NTN1: variants seen among roughly 807,000 people sequenced by gnomAD.
NTN1 encodes netrin-1.
Under a neutral mutation model 54.2 loss-of-function variants are expected in NTN1, and 11 were observed. That is an observed-to-expected ratio of 0.20 (90% CI 0.13 to 0.34). The LOEUF (loss-of-function observed/expected upper bound fraction) is 0.34. Ranked by LOEUF, NTN1 falls within the 10% of genes least tolerant of loss-of-function variation. The pLI, the probability that NTN1 is intolerant of heterozygous loss-of-function variation, is 1.00. For synonymous variants in NTN1, 371 were observed against 382.0 expected, an observed-to-expected ratio of 0.97 and a Z score of 0.33; for missense variants, 740 against 893.1, an observed-to-expected ratio of 0.83 and a Z score of 2.18.
At chr17:9,103,196 T>C (rs2092155886) in intron 2 of NTN1, among the ~76,000 whole-genome samples, 1 of 152,224 alleles carries the variant, frequency 6.6e-6, no homozygotes, top group South Asian at 2.1e-4. Flanking sequence ...AAGCACGGAC[T>C]GGAACAGATA....
intron 2 of NTN1, among the ~76,000 whole-genome samples, chr17:9,049,292 C>T (rs1249069694): frequency 6.6e-6 from 1 of 152,128 alleles, no homozygotes; most frequent in Non-Finnish European, 1.5e-5. Flanking sequence ...AGAGTACCTT[C>T]CCGCAACCAC....
intron 2 of NTN1, among the ~76,000 whole-genome samples, chr17:9,044,212 A>AT (rs912597336): frequency 4.3e-5 from 6 of 139,054 alleles, no homozygotes; most frequent in Non-Finnish European, 9.1e-5. Context: ...TAAATGTCCA[A>AT]TTTTTTTTGC....
intron 2 of NTN1, among the ~76,000 whole-genome samples, chr17:9,056,934 C>T (rs1021815277): frequency 2.6e-5 from 4 of 152,184 alleles, no homozygotes; most frequent in African/African-American, 7.2e-5. Context: ...TTCGTGCCTG[C>T]GTGCTTGCTG....
intron 2 of NTN1, among the ~76,000 whole-genome samples, chr17:9,155,930 T>TG (rs1255063138): frequency 6.6e-6 from 1 of 152,168 alleles, no homozygotes; most frequent in Non-Finnish European, 1.5e-5. Flanking sequence ...AGATGTCCAC[T>TG]GGGGGACAAA....
intron 5 of NTN1, among the ~76,000 whole-genome samples, chr17:9,209,652 T>TG (rs1905049623): frequency 6.6e-6 from 1 of 152,112 alleles, no homozygotes; most frequent in East Asian, 1.9e-4. Flanking sequence ...CAGCACTTGG[T>TG]GGGGGCCAGG....
chr17:9,093,526 C>T (rs951496110), intron 2 of NTN1, among the ~76,000 whole-genome samples: 26 of 152,226 alleles, frequency 1.7e-4, no homozygotes, highest in African/African-American at 4.6e-4. Flanking sequence ...CCACACTTGG[C>T]GAATTTTCTT....
At chr17:9,006,148 T>G in the NTN1 span, among the ~76,000 whole-genome samples, 2 of 72,660 alleles carry the variant, frequency 2.8e-5, no homozygotes, top group East Asian at 3.7e-4. Flanking sequence ...AGAAAGTGGG[T>G]AGGGGGAGGA....
intron 2 of NTN1, among the ~76,000 whole-genome samples, chr17:9,120,706 CAG>C (rs1460765345): frequency 1.3e-5 from 2 of 152,250 alleles, no homozygotes; most frequent in African/African-American, 4.8e-5. Flanking sequence ...TTGATGTGGG[CAG>C]AGTTGGTGGG....
At chr17:9,088,192 G>A (rs1426198591) in intron 2 of NTN1, among the ~76,000 whole-genome samples, 1 of 152,224 alleles carries the variant, frequency 6.6e-6, no homozygotes, top group African/African-American at 2.4e-5. Flanking sequence ...ACCAGCTCCC[G>A]ACGGCCGTGC....
chr17:9,061,937 T>G (rs1452088142), intron 2 of NTN1, among the ~76,000 whole-genome samples: 5 of 152,008 alleles, frequency 3.3e-5, no homozygotes, highest in African/African-American at 1.2e-4. Flanking sequence ...ACTCCTGACC[T>G]CGTGATGCGC....
intron 2 of NTN1, among the ~76,000 whole-genome samples, chr17:9,090,165 C>CT (rs963431868): frequency 7.9e-4 from 114 of 143,670 alleles, no homozygotes; most frequent in Middle Eastern, 3.5e-3. Context: ...CCAAACTCAT[C>CT]TTTTTTTTTT....
At chr17:9,141,868 C>G (rs1430455375) in intron 2 of NTN1, among the ~76,000 whole-genome samples, 1 of 152,066 alleles carries the variant, frequency 6.6e-6, no homozygotes, top group Non-Finnish European at 1.5e-5. Context: ...TGGAGATCAG[C>G]CTGGCCAACA....
chr17:9,102,271 C>A (rs1009299714), intron 2 of NTN1, among the ~76,000 whole-genome samples: 1 of 152,182 alleles, frequency 6.6e-6, no homozygotes, highest in Non-Finnish European at 1.5e-5. Context: ...ACTCACAGTT[C>A]AGCATGGCTG....
At chr17:9,147,620 G>A (rs556858586) in intron 2 of NTN1, among the ~76,000 whole-genome samples, 33 of 152,230 alleles carry the variant, frequency 2.2e-4, no homozygotes, top group South Asian at 1.2e-3. Flanking sequence ...GAAGGGTCTC[G>A]ATCAGTCTAG....
At chr17:9,092,100 G>T (rs976005375) in intron 2 of NTN1, among the ~76,000 whole-genome samples, 6 of 151,786 alleles carry the variant, frequency 4.0e-5, no homozygotes, top group African/African-American at 1.5e-4. Flanking sequence ...ATGTTGGCCA[G>T]GCTGGTCTCA....
chr17:9,133,326 A>G (rs1324817581), intron 2 of NTN1, among the ~76,000 whole-genome samples: 2 of 152,244 alleles, frequency 1.3e-5, no homozygotes, highest in East Asian at 1.9e-4. Context: ...CTGTTGTGCC[A>G]AGACCAGGAG....
At chr17:9,156,268 T>G in intron 2 of NTN1, among the ~76,000 whole-genome samples, 1 of 150,434 alleles carries the variant, frequency 6.6e-6, no homozygotes. Context: ...AATTCAGCCG[T>G]TATGCTACAG....
At chr17:9,214,364 C>G (rs942741662) in intron 5 of NTN1, among the ~76,000 whole-genome samples, 2 of 152,124 alleles carry the variant, frequency 1.3e-5, no homozygotes, top group African/African-American at 4.8e-5. Flanking sequence ...TGTTATTCTA[C>G]GTCAAAAAAT....
At chr17:9,146,958 G>GCTA (rs2092315401) in intron 2 of NTN1, among the ~76,000 whole-genome samples, 1 of 152,100 alleles carries the variant, frequency 6.6e-6, no homozygotes, top group Non-Finnish European at 1.5e-5. Flanking sequence ...CAGCTGCCTT[G>GCTA]CTACCTCTCT....
Sources: allele counts gnomAD v4.1 joint callset (sites outside exome capture counted in the v4.1 genomes callset), GRCh38; gene constraint gnomAD v4.1.1; transcripts MANE v1.5; gene names NCBI Gene and HGNC (gene_info 2026-07-23, HGNC 2026-07-21).